Variants in FBXL17 observed in about 807,000 individuals in gnomAD.
FBXL17 encodes the protein F-box/LRR-repeat protein 17.
In FBXL17, 22 loss-of-function variants were observed where a neutral mutation model predicts 66.2. That is an observed-to-expected ratio of 0.33 (90% CI 0.24 to 0.47). The LOEUF (loss-of-function observed/expected upper bound fraction) is 0.47, where lower values mean the gene tolerates loss of function less well. FBXL17 is among the 20% of genes least tolerant of loss of function. The pLI is 1.00. For synonymous variants in FBXL17, 474 were observed against 400.5 expected, an observed-to-expected ratio of 1.18 and a Z score of -2.19; for missense variants, 878 against 948.2, an observed-to-expected ratio of 0.93 and a Z score of 0.97.
At chr5:108,299,101 T>C in intron 4 of FBXL17, 1 of 977,420 alleles carries the variant, frequency 1.0e-6, no homozygotes, top group South Asian at 4.7e-5. Context: ...AAAAACAGTC[T>C]GATTTATAAC....
At chr5:108,153,442 A>T (rs931067580) in intron 6 of FBXL17, among the ~76,000 whole-genome samples, 1 of 152,248 alleles carries the variant, frequency 6.6e-6, no homozygotes, top group African/African-American at 2.4e-5. Context: ...TAATATAATG[A>T]TACAATTTGT....
intron 4 of FBXL17, among the ~76,000 whole-genome samples, chr5:108,335,691 TTCC>T (rs1160975007): frequency 6.6e-6 from 1 of 152,154 alleles, no homozygotes; most frequent in East Asian, 1.9e-4. Flanking sequence ...AGATGTGAAA[TTCC>T]TCCTATTATT....
intron 4 of FBXL17, among the ~76,000 whole-genome samples, chr5:108,229,738 G>A (rs936671121): frequency 6.6e-6 from 1 of 152,098 alleles, no homozygotes; most frequent in African/African-American, 2.4e-5. Context: ...AAACTAAAGA[G>A]CTTCTGCACA....
chr5:108,141,044 C>T (rs1751329636), intron 6 of FBXL17, among the ~76,000 whole-genome samples: 1 of 152,122 alleles, frequency 6.6e-6, no homozygotes, highest in African/African-American at 2.4e-5. Flanking sequence ...GTGATGATAT[C>T]ATTCCCCTAT....
chr5:108,036,720 T>C (rs1254927942), intron 6 of FBXL17, among the ~76,000 whole-genome samples: 1 of 152,180 alleles, frequency 6.6e-6, no homozygotes, highest in Non-Finnish European at 1.5e-5. Context: ...ACATAGCCAC[T>C]GGCAGCAGGA....
chr5:107,938,113 G>A (rs944657609), intron 7 of FBXL17, among the ~76,000 whole-genome samples: 6 of 152,092 alleles, frequency 3.9e-5, no homozygotes, highest in African/African-American at 1.4e-4. Context: ...GCTTGAAGAC[G>A]TGCACTTGAC....
At chr5:107,902,562 C>G (rs1250610865) in intron 7 of FBXL17, among the ~76,000 whole-genome samples, 2 of 152,094 alleles carry the variant, frequency 1.3e-5, no homozygotes. Context: ...TGCAAGATTT[C>G]AAACAGGTAA....
Position 108,089,942 on chromosome 5 carries a change from C to T in FBXL17, c.1746-68941G>A, listed in dbSNP as rs949022458. On this transcript the variant is annotated intron_variant, in intron 6 of 8. Coordinates refer to ENST00000542267, the MANE Select transcript of FBXL17 (RefSeq NM_001163315.3). ...TCCTGGGCTCAAGCAATCTTCCCAT[C>T]TCAGCCTCCCAAGGAGCTGGGACTG... Among the ~76,000 whole-genome samples, 8 of 152,254 alleles carry T rather than the reference C, an allele frequency of 5.3e-5. No homozygotes were observed. The South Asian group carries it at 6.2e-4, about 12-fold the overall frequency.
At chr5:107,994,585 A>T (rs1337863941) in intron 7 of FBXL17, among the ~76,000 whole-genome samples, 1 of 152,198 alleles carries the variant, frequency 6.6e-6, no homozygotes, top group Non-Finnish European at 1.5e-5. Context: ...CATGCCTGTA[A>T]TCCCAGCACT....
At chr5:108,105,758 A>G (rs571596624) in intron 6 of FBXL17, among the ~76,000 whole-genome samples, 20 of 100,426 alleles carry the variant, frequency 2.0e-4, no homozygotes, top group African/African-American at 7.2e-4. Context: ...ACTAACTTTA[A>G]CATTAACTAC....
chr5:107,974,666 T>A (rs1467893442), intron 7 of FBXL17, among the ~76,000 whole-genome samples: 2 of 152,146 alleles, frequency 1.3e-5, no homozygotes, highest in African/African-American at 2.4e-5. Context: ...CTTAGTTGAT[T>A]ATTTTCTATT....
intron 4 of FBXL17, among the ~76,000 whole-genome samples, chr5:108,288,088 G>A (rs1757969428): frequency 6.6e-6 from 1 of 151,836 alleles, no homozygotes; most frequent in Non-Finnish European, 1.5e-5. Context: ...ATTAAGAAGA[G>A]AACAGACACC....
chr5:108,276,006 T>G (rs1757468271), intron 4 of FBXL17, among the ~76,000 whole-genome samples: 2 of 152,110 alleles, frequency 1.3e-5, no homozygotes, highest in Admixed American at 6.6e-5. Flanking sequence ...GCATAAAATT[T>G]TTAACACTGC....
At chr5:108,060,730 A>G (rs7706050) in intron 6 of FBXL17, among the ~76,000 whole-genome samples, 5,560 of 151,764 alleles carry the variant, frequency 0.037, 303 homozygotes, top group African/African-American at 0.12. Flanking sequence ...CCCCCCTCCC[A>G]CACACAATCC....
chr5:108,041,185 T>A (rs572902658), intron 6 of FBXL17, among the ~76,000 whole-genome samples: 3 of 152,310 alleles, frequency 2.0e-5, no homozygotes, highest in East Asian at 1.9e-4. Flanking sequence ...AGAAAATACA[T>A]ATTTGTAAAA....
At chr5:108,247,792 T>C (rs1158374986) in intron 4 of FBXL17, among the ~76,000 whole-genome samples, 1 of 152,184 alleles carries the variant, frequency 6.6e-6, no homozygotes, top group Non-Finnish European at 1.5e-5. Context: ...ATGATACTTG[T>C]GAGTGACATG....
Position 108,081,808 on chromosome 5 carries a change from A to C in FBXL17, c.1746-60807T>G, listed in dbSNP as rs150573205. On this transcript the variant is annotated intron_variant, in intron 6 of 8. Coordinates refer to ENST00000542267, the MANE Select transcript of FBXL17 (RefSeq NM_001163315.3). ...AAATATTATTCAAGCTTTGCTTCAC[A>C]CATAAATGTCCAAGTCATTCCTCCA... Among the ~76,000 whole-genome samples, 252 of 152,264 alleles carry C rather than the reference A, an allele frequency of 1.7e-3. 1 individual carries two copies. Among genetic ancestry groups the C allele is most frequent in the African/African-American group, 5.6e-3 (234 of 41,564 alleles).
At chr5:107,889,319 T>C (rs898013101) in intron 7 of FBXL17, among the ~76,000 whole-genome samples, 1 of 152,314 alleles carries the variant, frequency 6.6e-6, no homozygotes, top group East Asian at 1.9e-4. Context: ...AATAAGGTTA[T>C]AGAAAATGTT....
intron 7 of FBXL17, among the ~76,000 whole-genome samples, chr5:107,959,784 T>C (rs1403636736): frequency 6.6e-6 from 1 of 152,204 alleles, no homozygotes; most frequent in Non-Finnish European, 1.5e-5. Context: ...GCTGAAGTTG[T>C]GGTCAGAAAC....
Sources: gnomAD v4.1 joint callset for allele counts (sites outside exome capture counted in the v4.1 genomes callset) on GRCh38, gnomAD v4.1.1 for gene constraint, MANE v1.5 for transcripts, NCBI Gene and HGNC (gene_info 2026-07-23, HGNC 2026-07-21) for gene names.